The following CAMK4 variants were observed in gnomAD, a reference collection of about 807,000 sequenced individuals.
CAMK4 encodes calcium/calmodulin dependent protein kinase IV.
Under a neutral mutation model 44.9 loss-of-function variants are expected in CAMK4, and 22 were observed. That is an observed-to-expected ratio of 0.49 (90% confidence interval 0.35 to 0.70). The LOEUF (loss-of-function observed/expected upper bound fraction) is 0.70, where lower values mean the gene tolerates loss of function less well. CAMK4 is among the 30% of genes least tolerant of loss of function. CAMK4 has a pLI of 0.01. For synonymous variants in CAMK4, 218 were observed against 215.4 expected, an observed-to-expected ratio of 1.01 and a Z score of -0.11; for missense variants, 498 against 586.8, an observed-to-expected ratio of 0.85 and a Z score of 1.56.
intron 4 of CAMK4, among the ~76,000 whole-genome samples, chr5:111,394,056 C>T (rs539844609): frequency 1.3e-5 from 2 of 151,602 alleles, no homozygotes; most frequent in Middle Eastern, 3.4e-3. Context: ...AGAAAATACT[C>T]GTTAAAAAAT....
At chr5:111,374,113 T>C (rs1024089560) in intron 2 of CAMK4, among the ~76,000 whole-genome samples, 16 of 152,152 alleles carry the variant, frequency 1.1e-4, no homozygotes, top group African/African-American at 1.9e-4. Flanking sequence ...GTGGCTCATA[T>C]AATTAGAAGT....
intron 7 of CAMK4, among the ~76,000 whole-genome samples, chr5:111,464,288 A>T (rs1028700272): frequency 1.3e-5 from 2 of 152,044 alleles, no homozygotes; most frequent in Admixed American, 1.3e-4. Flanking sequence ...AGTAAAGACG[A>T]AAAAAAGAAT....
chr5:111,457,729 A>C (rs1416867471), intron 7 of CAMK4, among the ~76,000 whole-genome samples: 4 of 152,230 alleles, frequency 2.6e-5, no homozygotes, highest in African/African-American at 9.6e-5. Context: ...CATAATCTAA[A>C]ATAGAAACTT....
chr5:111,417,856 T>A (rs1239472377), intron 5 of CAMK4, among the ~76,000 whole-genome samples: 2 of 152,254 alleles, frequency 1.3e-5, no homozygotes, highest in Non-Finnish European at 2.9e-5. Context: ...TGACTTCTGA[T>A]ATCTTTTACC....
rs146987544 is a variant in CAMK4 at position 111,329,821 on chromosome 5, T to G, written c.162-14203T>G. On this transcript the variant is annotated intron_variant, in intron 1 of 10. Transcript: ENST00000282356. Reference sequence around the variant, plus strand: ...AAGAAAAATAAATCTCTCAGCAAAGTAAGAAAGAAAGGGAATTTTCTTAAT... The same window carrying G: ...AAGAAAAATAAATCTCTCAGCAAAGGAAGAAAGAAAGGGAATTTTCTTAAT... Among the ~76,000 whole-genome samples, 456 of 151,820 alleles carry G rather than the reference T, an allele frequency of 3.0e-3. 3 individuals carry two copies. Among genetic ancestry groups the G allele is most frequent in the African/African-American group, 0.011 (443 of 41,484 alleles).
At chr5:111,273,322 C>G (rs552061662) in intron 1 of CAMK4, among the ~76,000 whole-genome samples, 18 of 152,040 alleles carry the variant, frequency 1.2e-4, no homozygotes, top group Non-Finnish European at 2.1e-4. Flanking sequence ...CATACACACA[C>G]ATTCACAAAG....
chr5:111,295,061 C>A (rs1306278710), intron 1 of CAMK4, among the ~76,000 whole-genome samples: 1 of 152,104 alleles, frequency 6.6e-6, no homozygotes, highest in Non-Finnish European at 1.5e-5. Flanking sequence ...ATTTAAATTT[C>A]AAATTAAAAA....
intron 1 of CAMK4, among the ~76,000 whole-genome samples, chr5:111,334,207 A>G (rs1210318269): frequency 6.6e-6 from 1 of 151,592 alleles, no homozygotes; most frequent in East Asian, 1.9e-4. Context: ...CTCCAGATCT[A>G]ACGGCAACTT....
At chr5:111,420,806 A>C (rs1580729405) in intron 5 of CAMK4, among the ~76,000 whole-genome samples, 1 of 152,210 alleles carries the variant, frequency 6.6e-6, no homozygotes, top group Admixed American at 6.5e-5. Flanking sequence ...GTCAGAGTTT[A>C]AGGTTATCTC....
intron 4 of CAMK4, among the ~76,000 whole-genome samples, chr5:111,379,307 G>C (rs1751329349): frequency 6.6e-6 from 1 of 152,034 alleles, no homozygotes; most frequent in Admixed American, 6.6e-5. Flanking sequence ...AAAGAATTTA[G>C]GATGAAATTT....
chr5:111,463,776 A>G (rs771820763), intron 7 of CAMK4, among the ~76,000 whole-genome samples: 1 of 152,204 alleles, frequency 6.6e-6, no homozygotes, highest in South Asian at 2.1e-4. Context: ...GGGAAGCCAC[A>G]TCCCTAGAGG....
At chr5:111,293,672 G>A (rs1018343728) in intron 1 of CAMK4, among the ~76,000 whole-genome samples, 2 of 149,914 alleles carry the variant, frequency 1.3e-5, no homozygotes, top group South Asian at 2.1e-4. Flanking sequence ...TGATCCACCC[G>A]CCTCAGCCTC....
In CAMK4 at chr5:111,324,079, T is replaced by C. The variant is rs75449216; in HGVS notation, c.162-19945T>C. Among the ~76,000 whole-genome samples the C allele has an allele frequency of 7.2e-5, 11 of 151,922 alleles. No individual in the cohort carries two copies. The East Asian group carries it at 1.9e-3, about 27-fold the overall frequency. On this transcript the variant is annotated intron_variant, in intron 1 of 10. Transcript: ENST00000282356. ...CTGAGGACAACCACTAACAAAATAA[T>C]AAAATATCCCTTAAAGACCAAGAGA...
chr5:111,439,093 C>T (rs796370828), intron 5 of CAMK4, among the ~76,000 whole-genome samples: 23 of 152,258 alleles, frequency 1.5e-4, no homozygotes, highest in African/African-American at 5.3e-4. Context: ...CTACCTCCTT[C>T]ATTCTTTTAG....
At chr5:111,467,934 T>TCTCACACA (rs139078264) in intron 7 of CAMK4, among the ~76,000 whole-genome samples, 3 of 143,460 alleles carry the variant, frequency 2.1e-5, no homozygotes, top group Non-Finnish European at 4.5e-5. Context: ...AAAGAAATTG[T>TCTCACACA]CACACACACA....
chr5:111,246,471 C>T (rs1422454041), intron 1 of CAMK4, among the ~76,000 whole-genome samples: 1 of 152,158 alleles, frequency 6.6e-6, no homozygotes, highest in Non-Finnish European at 1.5e-5. Flanking sequence ...TCACTAAAGT[C>T]CAGAACTTTT....
At chr5:111,339,243 G>C (rs1331758098) in intron 1 of CAMK4, among the ~76,000 whole-genome samples, 3 of 151,074 alleles carry the variant, frequency 2.0e-5, no homozygotes, top group Non-Finnish European at 4.5e-5. Context: ...TATAATTTCA[G>C]TTATCTATTT....
intron 1 of CAMK4, among the ~76,000 whole-genome samples, chr5:111,243,257 A>C (rs1211618685): frequency 6.6e-6 from 1 of 152,162 alleles, no homozygotes; most frequent in Non-Finnish European, 1.5e-5. Context: ...GAAAATTACT[A>C]AGAGGAAACA....
intron 2 of CAMK4, among the ~76,000 whole-genome samples, chr5:111,353,474 C>A (rs537687589): frequency 6.6e-6 from 1 of 151,374 alleles, no homozygotes; most frequent in East Asian, 1.9e-4. Flanking sequence ...GATGTGTCAA[C>A]GAATAAAGGA....
Sources: allele counts gnomAD v4.1 joint callset (sites outside exome capture counted in the v4.1 genomes callset), GRCh38; gene constraint gnomAD v4.1.1; transcripts MANE v1.5; gene names NCBI Gene and HGNC (gene_info 2026-07-23, HGNC 2026-07-21).